The following SLCO1A2 variants were observed in gnomAD, a reference collection of about 807,000 sequenced individuals.
SLCO1A2 encodes the protein solute carrier organic anion transporter family member 1A2.
In SLCO1A2, 67 loss-of-function variants were observed where a neutral mutation model predicts 69.0. The observed-to-expected ratio is 0.97, with a 90% CI of 0.80 to 1.19. SLCO1A2 has a LOEUF of 1.19. Among genes scored for constraint, SLCO1A2 ranks in the 50% most tolerant of loss-of-function variants. The pLI is 0.00. For synonymous variants in SLCO1A2, 260 were observed against 265.9 expected, an observed-to-expected ratio of 0.98 and a Z score of 0.22; for missense variants, 787 against 793.7, an observed-to-expected ratio of 0.99 and a Z score of 0.10.
chr12:21,408,912 T>C (rs1422125593), intron 1 of SLCO1A2, among the ~76,000 whole-genome samples: 1 of 151,478 alleles, frequency 6.6e-6, no homozygotes, highest in East Asian at 1.9e-4. Context: ...ACTGGTAGAA[T>C]AAAACTTTTT....
In SLCO1A2 at chr12:21,304,502, C is replaced by G; in HGVS notation, c.514G>C (p.Glu172Gln). ...ATACCCAAAGGCAGGATGGGAGTTT[C>G]ACCCATTCCACGTACAATATTGCCT... ...LVGNIVRGMG[E>Q]TPILPLGISY... Residue 172 changes from glutamate to glutamine, a missense_variant, in exon 6 of 15, where the codon GAA (glutamate) becomes CAA (glutamine). Transcript: ENST00000683939. The G allele has an allele frequency of 1.9e-6, 3 of 1,612,728 alleles. No homozygotes were observed. Among genetic ancestry groups the G allele is most frequent in the Non-Finnish European group, 1.7e-6 (2 of 1,178,868 alleles).
intron 2 of SLCO1A2, among the ~76,000 whole-genome samples, chr12:21,346,638 C>T (rs1953261371): frequency 6.6e-6 from 1 of 152,110 alleles, no homozygotes; most frequent in Non-Finnish European, 1.5e-5. Flanking sequence ...TTACAGATTC[C>T]CAAGTAATTT....
intron 2 of SLCO1A2, among the ~76,000 whole-genome samples, chr12:21,355,559 T>C (rs1938301859): frequency 1.3e-5 from 2 of 152,110 alleles, no homozygotes; most frequent in Non-Finnish European, 2.9e-5. Context: ...CTGATGTGAG[T>C]TTCCTATATT....
At chr12:21,379,497 A>G (rs1284785673) in intron 1 of SLCO1A2, 1 of 152,238 alleles carries the variant, frequency 6.6e-6, no homozygotes, top group Non-Finnish European at 1.5e-5. Context: ...TCTTTGCTGT[A>G]TAAGAATTAT....
Position 21,297,586 on chromosome 12 carries a change from C to T in SLCO1A2, c.911-18G>A. ...TAGAAAATCTGAAATGAAAGAATGA[C>T]AACTGTGTCAAACGAACTTGGCTTT... On this transcript the variant is annotated intron_variant, in intron 8 of 14. Transcript: ENST00000683939. The T allele has an allele frequency of 6.6e-7, 1 of 1,517,572 alleles. No individual in the cohort carries two copies. The highest frequency in any genetic ancestry group is 2.4e-5 in the East Asian group (1 of 41,732). The allele number at this position is 1,517,572 out of a possible 1,614,324, so 94.0% of individuals were successfully genotyped here.
chr12:21,265,225 GT>G lies in SLCO1A2; in HGVS notation c.*4322del, dbSNP rs1418623698. On this transcript the variant is annotated 3_prime_UTR_variant, in exon 15 of 15. Coordinates refer to ENST00000683939, the MANE Select transcript of SLCO1A2 (RefSeq NM_001386879.1). ...TTTCACCTGCTACCATTACAGACTG[GT>G]CCAGACCTGCTTATCCTTTTGTTTC... 1 of 152,154 alleles carries G rather than the reference GT, an allele frequency of 6.6e-6. No homozygotes were observed. Among genetic ancestry groups the G allele is most frequent in the Non-Finnish European group, 1.5e-5 (1 of 68,070 alleles). 9.4% of individuals were successfully genotyped at this position (152,154 alleles called of 1,614,324 possible).
In SLCO1A2 at chr12:21,301,280, A is replaced by G. The variant is rs1429640123; in HGVS notation, c.590-11T>C. ...CTGTTTCTACAAGCCCTAAAAATAA[A>G]TAAAAGTATAAGGTTATAGTACAGT... On this transcript the variant is annotated splice_polypyrimidine_tract_variant and intron_variant, in intron 6 of 14. Transcript: ENST00000683939. 1 of 1,579,192 alleles carries G rather than the reference A, an allele frequency of 6.3e-7. No homozygotes were observed. Among genetic ancestry groups the G allele is most frequent in the Non-Finnish European group, 8.7e-7 (1 of 1,152,646 alleles).
chr12:21,409,123 T>C (rs558901353), intron 1 of SLCO1A2, among the ~76,000 whole-genome samples: 3 of 152,322 alleles, frequency 2.0e-5, no homozygotes, highest in Non-Finnish European at 4.4e-5. Context: ...ACTCTGGAGA[T>C]AGTGTCACTT....
chr12:21,349,414 T>G (rs2137006693), intron 2 of SLCO1A2, among the ~76,000 whole-genome samples: 1 of 152,258 alleles, frequency 6.6e-6, no homozygotes, highest in East Asian at 1.9e-4. Context: ...CAAGCTGGCT[T>G]GAGTTAAATT....
intron 1 of SLCO1A2, among the ~76,000 whole-genome samples, chr12:21,409,065 T>C (rs1202563813): frequency 6.6e-6 from 1 of 152,186 alleles, no homozygotes; most frequent in Non-Finnish European, 1.5e-5. Context: ...AAACTGAGAA[T>C]CTTCTTTTCA....
chr12:21,327,723 G>T (rs978108000), intron 2 of SLCO1A2, among the ~76,000 whole-genome samples: 1 of 152,076 alleles, frequency 6.6e-6, no homozygotes, highest in African/African-American at 2.4e-5. Context: ...TTTACTCAAT[G>T]CCTGTATCCC....
chr12:21,354,247 C>G (rs1938188267), intron 2 of SLCO1A2, among the ~76,000 whole-genome samples: 2 of 152,180 alleles, frequency 1.3e-5, no homozygotes, highest in African/African-American at 4.8e-5. Context: ...TATATTTTTC[C>G]TCTTCTTTCC....
At chr12:21,393,044 C>T (rs1284334888) in intron 1 of SLCO1A2, among the ~76,000 whole-genome samples, 1 of 152,084 alleles carries the variant, frequency 6.6e-6, no homozygotes, top group Non-Finnish European at 1.5e-5. Context: ...ATAATTCATG[C>T]CTCCTGGAGC....
At chr12:21,318,151 C>G (rs1951116978) in intron 3 of SLCO1A2, among the ~76,000 whole-genome samples, 1 of 126,940 alleles carries the variant, frequency 7.9e-6, no homozygotes, top group Admixed American at 7.3e-5. Flanking sequence ...GAGATGGAGT[C>G]TCACTCTCAC....
chr12:21,402,232 A>C (rs923574252), intron 1 of SLCO1A2, among the ~76,000 whole-genome samples: 1 of 151,700 alleles, frequency 6.6e-6, no homozygotes. Context: ...TACCATAAAT[A>C]AGTTTTTAAA....
In SLCO1A2 at chr12:21,281,269, G is replaced by A. The variant is rs539817121; in HGVS notation, c.1611-5845C>T. On this transcript the variant is annotated intron_variant, in intron 12 of 14. Transcript: ENST00000683939. ...GATCAAGACCATCTTGGCCAACATG[G>A]TGAAATCCCGTCTCTACTAAAAATA... Among the ~76,000 whole-genome samples the A allele has an allele frequency of 3.9e-5, 6 of 152,176 alleles. No homozygotes were observed. In the South Asian group the frequency reaches 6.2e-4, roughly 16 times the overall value.
rs1311296851 is a variant in SLCO1A2, at chr12:21,297,531, T to C, written c.948A>G (p.Pro316=). The change falls in exon 9 of 15, where the codon CCA becomes CCG. Residue 316 remains proline, a synonymous_variant. Coordinates refer to ENST00000683939, the MANE Select transcript of SLCO1A2 (RefSeq NM_001386879.1). ...LPFMKSLSCN[P]IYMLFILVSV... The stretch of plus-strand genomic sequence containing the variant: ...TTACAAGTATGAAAAGCATATAAAT[T>C]GGATTGCAGGAAAGACTTTTCATGA... 2.0e-5 allele frequency: 32 copies of C among 1,590,842 alleles called. No individual in the cohort carries two copies. The highest frequency in any genetic ancestry group is 2.4e-5 in the Non-Finnish European group (28 of 1,165,106).
chr12:21,310,154 T>C (rs1440918584), intron 4 of SLCO1A2, among the ~76,000 whole-genome samples: 1 of 152,254 alleles, frequency 6.6e-6, no homozygotes, highest in Non-Finnish European at 1.5e-5. Context: ...AGGAATTCAA[T>C]ACATATTGTG....
At chr12:21,392,273 T>G (rs1941196752) in intron 1 of SLCO1A2, among the ~76,000 whole-genome samples, 1 of 152,198 alleles carries the variant, frequency 6.6e-6, no homozygotes, top group Non-Finnish European at 1.5e-5. Context: ...GATCCAATCA[T>G]TCTAGATGTA....
Sources: gnomAD v4.1 joint callset for allele counts (sites outside exome capture counted in the v4.1 genomes callset) on GRCh38, gnomAD v4.1.1 for gene constraint, MANE v1.5 for transcripts, NCBI Gene and HGNC (gene_info 2026-07-23, HGNC 2026-07-21) for gene names.